NSMCE2: variants seen among roughly 807,000 people sequenced by gnomAD.
NSMCE2 encodes the protein E3 SUMO-protein ligase NSE2.
Under a neutral mutation model 23.8 loss-of-function variants are expected in NSMCE2, and 24 were observed. The ratio of observed to expected loss-of-function variants is 1.01; its 90% CI spans 0.73 to 1.42. The LOEUF is 1.42. Among genes scored for constraint, NSMCE2 ranks in the 40% most tolerant of loss-of-function variants. The pLI, the probability that NSMCE2 is intolerant of heterozygous loss-of-function variation, is 0.00. For missense variants in NSMCE2, 284 were observed against 296.5 expected (o/e 0.96, Z 0.31); for synonymous variants, 92 against 94.1 (o/e 0.98, Z 0.13).
chr8:125,337,232 A>G (rs1830087876), intron 5 of NSMCE2, among the ~76,000 whole-genome samples: 1 of 152,200 alleles, frequency 6.6e-6, no homozygotes, highest in Admixed American at 6.5e-5. Context: ...GGGAAAACAT[A>G]TTCCAGCCAC....
chr8:125,353,752 G>A (rs1203358314), intron 5 of NSMCE2, among the ~76,000 whole-genome samples: 2 of 151,398 alleles, frequency 1.3e-5, no homozygotes, highest in Non-Finnish European at 2.9e-5. Context: ...GCCTGGTGGT[G>A]GACGCCTGTA....
At chr8:125,238,781 T>C (rs1329192740) in intron 5 of NSMCE2, among the ~76,000 whole-genome samples, 1 of 152,194 alleles carries the variant, frequency 6.6e-6, no homozygotes, top group Non-Finnish European at 1.5e-5. Flanking sequence ...AAAGACTTAT[T>C]TTTTACAAAC....
At chr8:125,181,454 G>A (rs1822803618) in intron 4 of NSMCE2, among the ~76,000 whole-genome samples, 1 of 152,110 alleles carries the variant, frequency 6.6e-6, no homozygotes, top group South Asian at 2.1e-4. Context: ...GTGGCACCTA[G>A]GAAGTAGATG....
chr8:125,326,447 A>G (rs981534018), intron 5 of NSMCE2, among the ~76,000 whole-genome samples: 1 of 152,042 alleles, frequency 6.6e-6, no homozygotes, highest in African/African-American at 2.4e-5. Context: ...CTATTTACAT[A>G]TATGTATATA....
At chr8:125,289,670 T>C (rs1828034564) in intron 5 of NSMCE2, among the ~76,000 whole-genome samples, 1 of 152,158 alleles carries the variant, frequency 6.6e-6, no homozygotes, top group African/African-American at 2.4e-5. Flanking sequence ...AGGAATATAC[T>C]TTAAAAGTAG....
intron 1 of NSMCE2, among the ~76,000 whole-genome samples, chr8:125,100,772 G>C (rs930325919): frequency 2.0e-5 from 3 of 152,084 alleles, no homozygotes; most frequent in Non-Finnish European, 4.4e-5. Flanking sequence ...TGTTGGCCAT[G>C]CTGGTCTTGA....
chr8:125,341,897 G>GAAAAA (rs61204647), intron 5 of NSMCE2, among the ~76,000 whole-genome samples: 7 of 83,228 alleles, frequency 8.4e-5, no homozygotes, highest in Admixed American at 3.0e-4. Flanking sequence ...TCTAGAAATG[G>GAAAAA]AAAAAAAAAA....
intron 5 of NSMCE2, among the ~76,000 whole-genome samples, chr8:125,273,270 G>A (rs1251950213): frequency 6.6e-6 from 1 of 152,096 alleles, no homozygotes; most frequent in Non-Finnish European, 1.5e-5. Context: ...GACAAATATG[G>A]GAAGGTAATT....
intron 4 of NSMCE2, among the ~76,000 whole-genome samples, chr8:125,167,145 G>A (rs1003511565): frequency 2.6e-5 from 4 of 152,108 alleles, no homozygotes; most frequent in Admixed American, 2.0e-4. Flanking sequence ...TAACTGTTTC[G>A]ATTCTAGTGC....
intron 3 of NSMCE2, among the ~76,000 whole-genome samples, chr8:125,111,029 C>G (rs897272385): frequency 6.6e-6 from 1 of 152,072 alleles, no homozygotes; most frequent in African/African-American, 2.4e-5. Flanking sequence ...ACAGTCCTGA[C>G]TCATGGAAGT....
chr8:125,182,349 T>G, intron 5 of NSMCE2, 93 bp downstream of exon 5: 1 of 965,948 alleles, frequency 1.0e-6, no homozygotes, highest in East Asian at 2.5e-5. Context: ...TAAAGTTTGC[T>G]TATCTGCTTG....
chr8:125,092,959 C>T (rs1167849988), intron 1 of NSMCE2, among the ~76,000 whole-genome samples: 3 of 152,188 alleles, frequency 2.0e-5, no homozygotes, highest in Non-Finnish European at 4.4e-5. Context: ...GGCCTCTGCC[C>T]GCTAGATGCC....
intron 1 of NSMCE2, among the ~76,000 whole-genome samples, chr8:125,098,271 T>G (rs1321928337): frequency 1.3e-5 from 2 of 152,166 alleles, no homozygotes; most frequent in Non-Finnish European, 2.9e-5. Context: ...CATAGAGGAC[T>G]TGTTAAAACG....
chr8:125,366,488 C>T (rs544318953), intron 7 of NSMCE2, among the ~76,000 whole-genome samples: 33 of 152,014 alleles, frequency 2.2e-4, no homozygotes, highest in Non-Finnish European at 4.7e-4. Context: ...TGCAGTGAGC[C>T]AGGATCGTGC....
Position 125,357,820 on chromosome 8 carries a change from T to G in NSMCE2, c.626+2T>G. ...GCAAAAGCGGAAGAAAAAGGCCTAG[T>G]GAGTGGACGCAGGGAAGGAAGTGGA... is the stretch of plus-strand genomic sequence containing the variant. On this transcript the variant is annotated splice_donor_variant, in intron 7 of 7. Transcript: ENST00000287437. LOFTEE classifies it high-confidence loss of function. 6.2e-7 allele frequency: 1 copy of G among 1,604,606 alleles called. No homozygotes were observed. Among genetic ancestry groups the G allele is most frequent in the Non-Finnish European group, 8.5e-7 (1 of 1,171,240 alleles).
At chr8:125,291,657 G>A (rs1215256967) in intron 5 of NSMCE2, among the ~76,000 whole-genome samples, 1 of 152,176 alleles carries the variant, frequency 6.6e-6, no homozygotes, top group Non-Finnish European at 1.5e-5. Flanking sequence ...CTTAGTGATG[G>A]TAAAGATAGA....
At chr8:125,340,476 T>C (rs534237775) in intron 5 of NSMCE2, among the ~76,000 whole-genome samples, 19 of 152,258 alleles carry the variant, frequency 1.2e-4, no homozygotes, top group Non-Finnish European at 2.8e-4. Context: ...CCTTCTCATC[T>C]ATAAATCTGT....
intron 5 of NSMCE2, among the ~76,000 whole-genome samples, chr8:125,322,011 A>T (rs1829478048): frequency 6.6e-6 from 1 of 152,080 alleles, no homozygotes; most frequent in Non-Finnish European, 1.5e-5. Context: ...GTTCGTTCAC[A>T]TCAATATTTT....
At chr8:125,205,253 AG>A (rs1402692344) in intron 5 of NSMCE2, among the ~76,000 whole-genome samples, 1 of 152,220 alleles carries the variant, frequency 6.6e-6, no homozygotes, top group Non-Finnish European at 1.5e-5. Context: ...AGACCTTTAA[AG>A]AAGCTTTCAT....
Sources: allele counts gnomAD v4.1 joint callset (sites outside exome capture counted in the v4.1 genomes callset), GRCh38; gene constraint gnomAD v4.1.1; transcripts MANE v1.5; gene names NCBI Gene and HGNC (gene_info 2026-07-23, HGNC 2026-07-21).